USP15: variants seen among roughly 807,000 people sequenced by gnomAD.
USP15 encodes the protein ubiquitin carboxyl-terminal hydrolase 15.
In USP15, 18 loss-of-function variants were observed where a neutral mutation model predicts 127.1. The ratio of observed to expected loss-of-function variants is 0.14; its 90% CI spans 0.10 to 0.21. The LOEUF is 0.21. Among genes scored for constraint, USP15 ranks in the 10% least tolerant of loss-of-function variants. The pLI, the probability that USP15 is intolerant of heterozygous loss-of-function variation, is 1.00. For missense variants in USP15, 805 were observed against 1,159.9 expected (o/e 0.69, Z 4.44); for synonymous variants, 364 against 393.7 (o/e 0.92, Z 0.89).
intron 17 of USP15, 109 bp downstream of exon 17, chr12:62,391,995 AT>A: frequency 8.7e-7 from 1 of 1,144,642 alleles, no homozygotes; most frequent in East Asian, 2.7e-5. Context: ...AAATATGTTT[AT>A]TTTGCCAGTA....
At chr12:62,270,713 C>T (rs910790212) in intron 1 of USP15, among the ~76,000 whole-genome samples, 3 of 152,044 alleles carry the variant, frequency 2.0e-5, no homozygotes, top group African/African-American at 7.2e-5. Context: ...ATTTGATTGA[C>T]ATATACCAGT....
chr12:62,389,752 G>A (rs759371938), intron 13 of USP15, 45 bp from the exon 14 acceptor site: 2 of 1,598,736 alleles, frequency 1.3e-6, no homozygotes, highest in Non-Finnish European at 1.7e-6. Context: ...ATTAATAGAA[G>A]TAACATAAAA....
At chr12:62,389,340 T>C in intron 11 of USP15, 91 bp from the exon 12 acceptor site, 1 of 1,075,372 alleles carries the variant, frequency 9.3e-7, no homozygotes, top group Non-Finnish European at 1.3e-6. Flanking sequence ...AAATGCCAAA[T>C]GAATGTGAGA....
chr12:62,283,953 C>A (rs1445914894), intron 1 of USP15, among the ~76,000 whole-genome samples: 1 of 151,982 alleles, frequency 6.6e-6, no homozygotes, highest in East Asian at 1.9e-4. Flanking sequence ...AAAAAACAAA[C>A]AACAAATATT....
At chr12:62,388,863 C>T (rs1464158789) in intron 11 of USP15, among the ~76,000 whole-genome samples, 2 of 152,202 alleles carry the variant, frequency 1.3e-5, no homozygotes, top group African/African-American at 4.8e-5. Context: ...GGTGCAGTGG[C>T]TCAGTCCTGT....
chr12:62,317,444 T>C (rs11174423), intron 4 of USP15, among the ~76,000 whole-genome samples: 50,047 of 152,002 alleles, frequency 0.33, 8,744 homozygotes, highest in African/African-American at 0.45. Flanking sequence ...GCTCTTAAAC[T>C]AGAGTCTCAT....
Position 62,405,809 on chromosome 12 carries a change from G to A in USP15, c.*1434G>A, listed in dbSNP as rs1361754817. 4 of 152,402 alleles carry A rather than the reference G, an allele frequency of 2.6e-5. No homozygotes were observed. Among genetic ancestry groups the A allele is most frequent in the African/African-American group, 9.7e-5 (4 of 41,388 alleles). The allele number at this position is 152,402 out of a possible 1,614,324, so 9.4% of individuals were successfully genotyped here. A position where few individuals can be genotyped will look rare whatever the true frequency, so the allele number is the denominator to read the frequency against. ...TGTATTGTAAATAAAAGTTCACTCT[G>A]TGAGTGCACATTTTGGTAAATTATT... On this transcript the variant is annotated 3_prime_UTR_variant, in exon 22 of 22. Transcript: ENST00000280377.
intron 8 of USP15, among the ~76,000 whole-genome samples, chr12:62,359,854 C>T (rs1369531443): frequency 6.6e-6 from 1 of 152,068 alleles, no homozygotes; most frequent in African/African-American, 2.4e-5. Flanking sequence ...TACCCCTAGC[C>T]CCTGCCTCCT....
chr12:62,264,335 A>G (rs953585710), intron 1 of USP15, among the ~76,000 whole-genome samples: 1 of 152,242 alleles, frequency 6.6e-6, no homozygotes, highest in African/African-American at 2.4e-5. Context: ...AGTAAAACAT[A>G]ACCACAAATC....
chr12:62,395,531 T>G (rs2137640279), intron 19 of USP15, among the ~76,000 whole-genome samples: 1 of 152,164 alleles, frequency 6.6e-6, no homozygotes, highest in Non-Finnish European at 1.5e-5. Context: ...TTTTTAAATG[T>G]ATAATTAAGT....
intron 3 of USP15, chr12:62,305,647 G>T (rs925517598): frequency 2.0e-5 from 3 of 152,130 alleles, no homozygotes; most frequent in African/African-American, 7.2e-5. Flanking sequence ...ATGGACTGTT[G>T]AAAACATTAA....
At chr12:62,392,450 C>A in intron 18 of USP15, 63 bp downstream of exon 18, 2 of 1,188,818 alleles carry the variant, frequency 1.7e-6, no homozygotes, top group South Asian at 1.5e-5. Flanking sequence ...AGATATGTGC[C>A]ACATCAAGTT....
At chr12:62,343,416 G>C (rs533698596) in intron 6 of USP15, among the ~76,000 whole-genome samples, 1 of 152,140 alleles carries the variant, frequency 6.6e-6, no homozygotes, top group Non-Finnish European at 1.5e-5. Flanking sequence ...CCAGGGGAGC[G>C]AATGGTTCTG....
At chr12:62,381,226 T>C (rs1424748572) in intron 8 of USP15, among the ~76,000 whole-genome samples, 1 of 152,160 alleles carries the variant, frequency 6.6e-6, no homozygotes, top group Non-Finnish European at 1.5e-5. Context: ...CCAGGTAGTT[T>C]GCTGTGGTTA....
chr12:62,387,324 G>A (rs1353136398), intron 11 of USP15, among the ~76,000 whole-genome samples: 1 of 152,068 alleles, frequency 6.6e-6, no homozygotes, highest in Non-Finnish European at 1.5e-5. Flanking sequence ...AAAATAGAAG[G>A]GACTGTCATT....
chr12:62,326,028 A>G, intron 6 of USP15, 95 bp downstream of exon 6: 3 of 1,026,394 alleles, frequency 2.9e-6, no homozygotes, highest in Non-Finnish European at 4.2e-6. Context: ...CTAGATGTGT[A>G]TTGCAGAAAT....
Position 62,415,743 on chromosome 12 carries a change from T to C in USP15, c.*11368T>C, listed in dbSNP as rs374484329. On this transcript the variant is annotated 3_prime_UTR_variant, in exon 22 of 22. Coordinates refer to ENST00000280377, the MANE Select transcript of USP15 (RefSeq NM_001252078.2). ...ACAGTTTGCTTGTGATGGAGGGCTA[T>C]TAATATTTATAAGGAAACCAAATCC... 2.6e-5 allele frequency: 4 copies of C among 152,222 alleles called. No homozygotes were observed. The East Asian group carries it at 7.7e-4, about 29-fold the overall frequency. 9.4% of individuals were successfully genotyped at this position (152,222 alleles called of 1,614,324 possible). A position where few individuals can be genotyped will look rare whatever the true frequency, so the allele number is the denominator to read the frequency against.
chr12:62,390,119 TAGTC>T, intron 14 of USP15, 131 bp downstream of exon 14: 1 of 1,011,910 alleles, frequency 9.9e-7, no homozygotes, highest in Non-Finnish European at 1.3e-6. Flanking sequence ...ATTTTGTTCA[TAGTC>T]AGATTATAGT....
intron 2 of USP15, among the ~76,000 whole-genome samples, chr12:62,298,189 C>G (rs1320453826): frequency 6.6e-6 from 1 of 152,078 alleles, no homozygotes; most frequent in African/African-American, 2.4e-5. Context: ...ATGGAAGTTC[C>G]AGAAGGAGGA....
Sources: gnomAD v4.1 joint callset for allele counts (sites outside exome capture counted in the v4.1 genomes callset) on GRCh38, gnomAD v4.1.1 for gene constraint, MANE v1.5 for transcripts, NCBI Gene and HGNC (gene_info 2026-07-23, HGNC 2026-07-21) for gene names.